CD8B2: variants seen among roughly 807,000 people sequenced by gnomAD.
CD8B2 encodes the protein CD8B family member 2, also known as T-cell surface glycoprotein CD8 beta-2 chain.
Under a neutral mutation model 23.7 loss-of-function variants are expected in CD8B2, and 11 were observed. That is an observed-to-expected ratio of 0.46 (90% CI 0.29 to 0.77). CD8B2 has a LOEUF of 0.77. CD8B2 is among the 30% of genes least tolerant of loss of function. The probability of loss-of-function intolerance (pLI) is 0.09; values close to 1 mark genes in which losing one functional copy is unlikely to be tolerated. For missense variants in CD8B2, 197 were observed against 270.5 expected, an observed-to-expected ratio of 0.73 and a Z score of 1.91; for synonymous variants, 90 against 109.3, an observed-to-expected ratio of 0.82 and a Z score of 1.10.
chr2:106,534,894 C>T (rs577099447), intron 5 of CD8B2, among the ~76,000 whole-genome samples: 4 of 152,170 alleles, frequency 2.6e-5, no homozygotes, highest in Non-Finnish European at 5.9e-5. Context: ...TCTTGGCTCA[C>T]TGCAACCTCC....
Position 106,519,508 on chromosome 2 carries a change from A to G in CD8B2, c.620+15183A>G, listed in dbSNP as rs73952243. 4.0e-3 allele frequency among the ~76,000 whole-genome samples: 615 copies of G among 152,336 alleles called. 5 individuals carry two copies. Among genetic ancestry groups the G allele is most frequent in the African/African-American group, 0.013 (561 of 41,576 alleles). On this transcript the variant is annotated intron_variant, in intron 5 of 5. Transcript: ENST00000416057. ...CTTACAGAGAATAACTTTCCAGTGA[A>G]TGTGGCCTGATGGAGAGCGTTCCTG...
rs957243946 is a variant in CD8B2, at chr2:106,509,607, C to G, written c.*2667C>G. 1.3e-5 allele frequency: 2 copies of G among 151,860 alleles called. 1 individual carries two copies. The highest frequency in any genetic ancestry group is 2.9e-5 in the Non-Finnish European group (2 of 67,976). 9.4% of individuals were successfully genotyped at this position (151,860 alleles called of 1,614,324 possible). A position where few individuals can be genotyped will look rare whatever the true frequency, so the allele number is the denominator to read the frequency against. ...TGGTTTGTGCTCCTCCGTCAGTTTT[C>G]TGTGCAGCAGGCACCTGCCGAGGCG... On this transcript the variant is annotated 3_prime_UTR_variant, in exon 6 of 6. Coordinates refer to ENST00000643224, the MANE Select transcript of CD8B2 (RefSeq NM_001349727.2).
chr2:106,497,725 T>G (rs534642213), intron 3 of CD8B2, among the ~76,000 whole-genome samples: 2 of 152,116 alleles, frequency 1.3e-5, no homozygotes, highest in African/African-American at 2.4e-5. Context: ...TCAGAACCAA[T>G]GTACAGAAGA....
At chr2:106,522,800 G>A (rs531320379) in intron 5 of CD8B2, among the ~76,000 whole-genome samples, 3 of 152,236 alleles carry the variant, frequency 2.0e-5, no homozygotes, top group Admixed American at 1.3e-4. Flanking sequence ...TGCAAAGACC[G>A]TAGCAGAGAC....
intron 3 of CD8B2, among the ~76,000 whole-genome samples, chr2:106,497,742 T>C (rs1260950483): frequency 1.3e-5 from 2 of 152,150 alleles, no homozygotes; most frequent in Non-Finnish European, 2.9e-5. Flanking sequence ...AAGAGTAAAG[T>C]CTTAAGGAGC....
chr2:106,506,821 A>G (rs1271994004), intron 5 of CD8B2, 107 bp from the exon 6 acceptor site: 5 of 1,508,638 alleles, frequency 3.3e-6, no homozygotes, highest in Non-Finnish European at 4.5e-6. Context: ...GCCCCAGGCT[A>G]CTTGGAGTAG....
At chr2:106,541,437 A>C (rs72821882) in intron 5 of CD8B2, among the ~76,000 whole-genome samples, 14,597 of 152,208 alleles carry the variant, frequency 0.096, 899 homozygotes, top group Non-Finnish European at 0.14. Context: ...CAGGCACATT[A>C]TTGGCTGTCA....
intron 1 of CD8B2, among the ~76,000 whole-genome samples, chr2:106,488,932 G>T (rs1332969001): frequency 1.3e-5 from 2 of 152,054 alleles, no homozygotes; most frequent in Non-Finnish European, 2.9e-5. Flanking sequence ...GGGGAAACAA[G>T]AGGAAGTCCA....
chr2:106,522,216 G>T (rs1408746778), intron 5 of CD8B2: 1 of 151,950 alleles, frequency 6.6e-6, no homozygotes, highest in Non-Finnish European at 1.5e-5. Context: ...TAAATTTATG[G>T]CTCTCCTCTA....
intron 1 of CD8B2, among the ~76,000 whole-genome samples, chr2:106,488,527 G>A (rs187203484): frequency 1.7e-4 from 26 of 152,144 alleles, no homozygotes; most frequent in Non-Finnish European, 2.6e-4. Flanking sequence ...TCGCTTCTGG[G>A]TTTTCCCTGA....
downstream of CD8B2, among the ~76,000 whole-genome samples, chr2:106,514,381 G>T (rs1325207367): frequency 1.3e-5 from 2 of 151,260 alleles, no homozygotes; most frequent in Non-Finnish European, 2.9e-5. Context: ...TCTGCCTCTC[G>T]GGTTCAAGCG....
intron 5 of CD8B2, among the ~76,000 whole-genome samples, chr2:106,529,441 A>G (rs895486520): frequency 6.6e-5 from 10 of 152,234 alleles, no homozygotes; most frequent in African/African-American, 2.2e-4. Context: ...CTCAAGTACC[A>G]TATGCCCAGA....
intron 5 of CD8B2, among the ~76,000 whole-genome samples, chr2:106,533,908 A>G (rs1476310802): frequency 6.6e-6 from 1 of 152,198 alleles, no homozygotes; most frequent in Non-Finnish European, 1.5e-5. Context: ...TGACCCTGAT[A>G]TGGCCAATTC....
intron 5 of CD8B2, among the ~76,000 whole-genome samples, chr2:106,538,625 C>A (rs1389646539): frequency 6.6e-6 from 1 of 152,126 alleles, no homozygotes; most frequent in African/African-American, 2.4e-5. Context: ...GTCTGTAACA[C>A]CCTTCCCCAC....
chr2:106,523,342 C>T (rs983219223), intron 5 of CD8B2, among the ~76,000 whole-genome samples: 6 of 152,126 alleles, frequency 3.9e-5, no homozygotes, highest in African/African-American at 1.4e-4. Flanking sequence ...AGACAAAGCC[C>T]AACCAAATGA....
At chr2:106,527,666 C>CCCAGAAA (rs1679925425) in intron 5 of CD8B2, among the ~76,000 whole-genome samples, 1 of 152,182 alleles carries the variant, frequency 6.6e-6, no homozygotes, top group Admixed American at 6.5e-5. Context: ...CGCCTGTAAT[C>CCCAGAAA]TCAACTACTT....
At chr2:106,502,439 CT>C in intron 3 of CD8B2, 34 bp from the exon 4 acceptor site, 1 of 1,272,934 alleles carries the variant, frequency 7.9e-7, no homozygotes, top group Non-Finnish European at 1.1e-6. Context: ...GAAAAATGTT[CT>C]GTGTTGAACA....
At chr2:106,518,304 C>A (rs142342325) in intron 5 of CD8B2, among the ~76,000 whole-genome samples, 1 of 152,102 alleles carries the variant, frequency 6.6e-6, no homozygotes, top group Non-Finnish European at 1.5e-5. Flanking sequence ...TTAGGAGTTA[C>A]AAAGCAATCA....
chr2:106,542,519 C>CT lies in CD8B2; in HGVS notation c.621-1464dup, dbSNP rs986145739. On this transcript the variant is annotated intron_variant, in intron 5 of 5. Transcript: ENST00000416057. ...ATTTTCTTCCACTTTCAAGTTAATTCTTTTTTTTTCCTGATTATTTAACAA... is the reference window on the plus strand; with the variant it reads ...ATTTTCTTCCACTTTCAAGTTAATTCTTTTTTTTTTCCTGATTATTTAACAA... Among the ~76,000 whole-genome samples the CT allele has an allele frequency of 3.1e-3, 459 of 150,452 alleles. 2 individuals are homozygous for CT. The highest frequency in any genetic ancestry group is 0.01 in the African/African-American group (429 of 41,108).
Sources: gnomAD v4.1 joint callset for allele counts (sites outside exome capture counted in the v4.1 genomes callset) on GRCh38, gnomAD v4.1.1 for gene constraint, MANE v1.5 for transcripts, NCBI Gene and HGNC (gene_info 2026-07-23, HGNC 2026-07-21) for gene names.